DDHD1: variants seen among roughly 807,000 people sequenced by gnomAD.
DDHD1 encodes phospholipase DDHD1.
In DDHD1, 49 loss-of-function variants were observed where a neutral mutation model predicts 96.4. The ratio of observed to expected loss-of-function variants is 0.51; its 90% CI spans 0.40 to 0.64. DDHD1 has a LOEUF of 0.64. Ranked by LOEUF, DDHD1 falls within the 30% of genes least tolerant of loss-of-function variation. The probability of loss-of-function intolerance (pLI) is 0.00; values close to 1 mark genes in which losing one functional copy is unlikely to be tolerated. For synonymous variants in DDHD1, 442 were observed against 446.5 expected (o/e 0.99, Z 0.13); for missense variants, 1,106 against 1,161.2 (o/e 0.95, Z 0.69).
intron 1 of DDHD1, among the ~76,000 whole-genome samples, chr14:53,113,388 G>A (rs1393329469): frequency 7.2e-4 from 22 of 30,450 alleles, no homozygotes; most frequent in African/African-American, 2.6e-3. Flanking sequence ...CCCTGTACAA[G>A]CCAAAAAAAA....
rs772272928 is a variant in DDHD1, at chr14:53,055,816, G to A, written c.2089C>T (p.His697Tyr). Residue 697 changes from histidine (H) to tyrosine (Y), a missense_variant, in exon 10 of 13, where the codon CAT becomes TAT. By Grantham distance (83) the His-to-Tyr change is moderately conservative. Coordinates refer to ENST00000673822, the MANE Select transcript of DDHD1 (RefSeq NM_001160148.2). ...GGGTTGAGAAAGCTTGGCTTCATAT[G>A]TTCATAAGGTAAAGGATTTGAAGTA... ...YNTSNPLPYEHMKPSFLNPAK... is the reference protein window; with the variant it reads ...YNTSNPLPYEYMKPSFLNPAK... 6.2e-7 allele frequency: 1 copy of A among 1,613,946 alleles called. No homozygotes were observed. The highest frequency in any genetic ancestry group is 8.5e-7 in the Non-Finnish European group (1 of 1,179,958).
At chr14:53,135,917 A>G (rs1236640465) in intron 1 of DDHD1, among the ~76,000 whole-genome samples, 3 of 152,250 alleles carry the variant, frequency 2.0e-5, no homozygotes, top group African/African-American at 7.2e-5. Context: ...TCTGAGCCCA[A>G]GCTAAGCCAT....
chr14:53,045,504 G>T lies in DDHD1; in HGVS notation c.*1264C>A, dbSNP rs937357048. The T allele has an allele frequency of 6.6e-6, 1 of 152,202 alleles. No individual in the cohort carries two copies. The highest frequency in any genetic ancestry group is 1.5e-5 in the Non-Finnish European group (1 of 68,044). 9.4% of individuals were successfully genotyped at this position (152,202 alleles called of 1,614,324 possible). On this transcript the variant is annotated 3_prime_UTR_variant, in exon 13 of 13. Coordinates refer to ENST00000673822, the MANE Select transcript of DDHD1 (RefSeq NM_001160148.2). Reference sequence around the variant, plus strand: ...CTCCCGAAGTGTTGGGATTACAGGCGTGAACCACGGTGACTAGCTCAATCC... The same window carrying T: ...CTCCCGAAGTGTTGGGATTACAGGCTTGAACCACGGTGACTAGCTCAATCC...
At chr14:53,146,611 G>T (rs1365087677) in intron 1 of DDHD1, among the ~76,000 whole-genome samples, 1 of 152,044 alleles carries the variant, frequency 6.6e-6, no homozygotes, top group Non-Finnish European at 1.5e-5. Flanking sequence ...TTTTGCTACT[G>T]TTTTTCTTCA....
chr14:53,117,343 C>T lies in DDHD1; in HGVS notation c.839-13487G>A, dbSNP rs150467342. Among the ~76,000 whole-genome samples the T allele has an allele frequency of 2.6e-3, 393 of 152,218 alleles. 6 individuals carry two copies. The highest frequency in any genetic ancestry group is 0.016 in the East Asian group (84 of 5,160). ...GGCAAGCTGAAGTATGGTGGGGCGT[C>T]GCCTCACCCAGGAAGCAGAAAGGGT... On this transcript the variant is annotated intron_variant, in intron 1 of 12. Transcript: ENST00000673822.
intron 4 of DDHD1, among the ~76,000 whole-genome samples, chr14:53,078,559 T>C (rs1459537391): frequency 6.6e-6 from 1 of 152,184 alleles, no homozygotes; most frequent in Non-Finnish European, 1.5e-5. Context: ...TTGCTAATAT[T>C]TTCTCCCATT....
At chr14:53,070,776 G>C (rs1387929845) in intron 6 of DDHD1, among the ~76,000 whole-genome samples, 1 of 152,116 alleles carries the variant, frequency 6.6e-6, no homozygotes, top group Non-Finnish European at 1.5e-5. Flanking sequence ...TATAAAAATA[G>C]TTACAGGTTA....
At chr14:53,106,256 A>G (rs138230742) in intron 1 of DDHD1, among the ~76,000 whole-genome samples, 35 of 152,246 alleles carry the variant, frequency 2.3e-4, no homozygotes, top group African/African-American at 8.2e-4. Context: ...TATTTCCTAA[A>G]TTCTTGTGTG....
At chr14:53,047,820 C>CTCT (rs1170878361) in intron 12 of DDHD1, among the ~76,000 whole-genome samples, 1 of 152,142 alleles carries the variant, frequency 6.6e-6, no homozygotes, top group East Asian at 1.9e-4. Context: ...GAGATAAACA[C>CTCT]TTAAGAATAT....
chr14:53,126,122 G>C (rs1342479262), intron 1 of DDHD1, among the ~76,000 whole-genome samples: 1 of 152,138 alleles, frequency 6.6e-6, no homozygotes, highest in Non-Finnish European at 1.5e-5. Context: ...TTGCATAAGT[G>C]ATCACTGGTT....
At chr14:53,058,438 T>G in intron 9 of DDHD1, 39 bp downstream of exon 9, 1 of 1,573,752 alleles carries the variant, frequency 6.4e-7, no homozygotes, top group East Asian at 2.3e-5. Context: ...TAGGAACAAT[T>G]TGACATTGAG....
At chr14:53,133,502 C>T (rs1434326676) in intron 1 of DDHD1, among the ~76,000 whole-genome samples, 1 of 152,184 alleles carries the variant, frequency 6.6e-6, no homozygotes, top group African/African-American at 2.4e-5. Flanking sequence ...CTCCTTATCG[C>T]CCTCAATCCT....
At chr14:53,149,569 C>A (rs1454960078) in intron 1 of DDHD1, among the ~76,000 whole-genome samples, 2 of 152,118 alleles carry the variant, frequency 1.3e-5, no homozygotes, top group Non-Finnish European at 2.9e-5. Context: ...TGAGAAATGG[C>A]AAATTACAGG....
intron 4 of DDHD1, among the ~76,000 whole-genome samples, chr14:53,087,827 G>T (rs1886105051): frequency 6.6e-6 from 1 of 152,070 alleles, no homozygotes; most frequent in African/African-American, 2.4e-5. Flanking sequence ...AGAACTGAAG[G>T]AAATAGCGAC....
chr14:53,104,645 T>C (rs1000265330), intron 1 of DDHD1, among the ~76,000 whole-genome samples: 1 of 152,166 alleles, frequency 6.6e-6, no homozygotes, highest in Non-Finnish European at 1.5e-5. Flanking sequence ...AGAAAAACTT[T>C]CTTGGCTAAC....
intron 12 of DDHD1, among the ~76,000 whole-genome samples, chr14:53,047,245 C>T (rs896163694): frequency 2.6e-5 from 4 of 152,094 alleles, no homozygotes; most frequent in African/African-American, 9.7e-5. Context: ...AAAAAAATTG[C>T]TTTCAAAACT....
chr14:53,061,937 G>C (rs1481431273), intron 7 of DDHD1, among the ~76,000 whole-genome samples: 1 of 151,350 alleles, frequency 6.6e-6, no homozygotes, highest in Admixed American at 6.6e-5. Flanking sequence ...GGGAGACAGG[G>C]GCAGGAGAAT....
chr14:53,152,252 G>A lies in DDHD1; in HGVS notation c.838+9C>T. On this transcript the variant is annotated intron_variant, in intron 1 of 12. Coordinates refer to ENST00000673822, the MANE Select transcript of DDHD1 (RefSeq NM_001160148.2). ...GCCCGTCCTGCCCTAACCCCGGCCC[G>A]CTACTCACGGTTCCAGTACACCGGG... 1 of 1,590,502 alleles carries A rather than the reference G, an allele frequency of 6.3e-7. No individual in the cohort carries two copies. The highest frequency in any genetic ancestry group is 1.1e-5 in the South Asian group (1 of 87,344).
rs974602635 is a variant in DDHD1, at chr14:53,037,243, T to A, written c.*9525A>T. ...GCACTGTGATGACCATATGTGTTTTTGGTAGAAGGATTTATTTCCTTTTGG... is the reference window on the plus strand; with the variant it reads ...GCACTGTGATGACCATATGTGTTTTAGGTAGAAGGATTTATTTCCTTTTGG... On this transcript the variant is annotated 3_prime_UTR_variant, in exon 13 of 13. Coordinates refer to ENST00000673822, the MANE Select transcript of DDHD1 (RefSeq NM_001160148.2). 3 of 152,170 alleles carry A rather than the reference T, an allele frequency of 2.0e-5. No individual in the cohort carries two copies. The highest frequency in any genetic ancestry group is 7.2e-5 in the African/African-American group (3 of 41,456). 9.4% of individuals were successfully genotyped at this position (152,170 alleles called of 1,614,324 possible). A position where few individuals can be genotyped will look rare whatever the true frequency, so the allele number is the denominator to read the frequency against.
Sources: allele counts gnomAD v4.1 joint callset (sites outside exome capture counted in the v4.1 genomes callset), GRCh38; gene constraint gnomAD v4.1.1; transcripts MANE v1.5; gene names NCBI Gene and HGNC (gene_info 2026-07-23, HGNC 2026-07-21).